CLASP2: variants seen among roughly 807,000 people sequenced by gnomAD.
CLASP2 encodes cytoplasmic linker associated protein 2, also known as CLIP-associating protein 2.
A neutral mutation model predicts 194.4 loss-of-function variants in CLASP2; 47 were observed. The observed-to-expected ratio is 0.24, with a 90% CI of 0.19 to 0.31. The LOEUF (loss-of-function observed/expected upper bound fraction) is 0.31. CLASP2 is among the 10% of genes least tolerant of loss of function. The pLI is 1.00. For missense variants in CLASP2, 1,445 were observed against 1,823.6 expected (o/e 0.79, Z 3.78); for synonymous variants, 619 against 633.5 (o/e 0.98, Z 0.34).
chr3:33,709,282 C>T (rs1022888400), intron 1 of CLASP2, among the ~76,000 whole-genome samples: 12 of 152,180 alleles, frequency 7.9e-5, no homozygotes, highest in Middle Eastern at 3.4e-3. Flanking sequence ...TTATTGTGTA[C>T]GGTGTAAAAT....
chr3:33,669,991 G>A (rs1476706120), intron 6 of CLASP2, among the ~76,000 whole-genome samples: 1 of 152,106 alleles, frequency 6.6e-6, no homozygotes, highest in Non-Finnish European at 1.5e-5. Context: ...GTTTGGATTT[G>A]TAGTCTATTC....
chr3:33,526,819 A>G (rs1339062431), intron 34 of CLASP2, among the ~76,000 whole-genome samples: 2 of 152,222 alleles, frequency 1.3e-5, no homozygotes, highest in Non-Finnish European at 2.9e-5. Context: ...AGTCAAGACT[A>G]TGAAAATTGC....
intron 6 of CLASP2, among the ~76,000 whole-genome samples, chr3:33,679,057 G>T (rs563354926): frequency 6.6e-6 from 1 of 152,084 alleles, no homozygotes; most frequent in Non-Finnish European, 1.5e-5. Flanking sequence ...ACAGACAAAT[G>T]GATCAATGGA....
At chr3:33,652,877 G>A (rs1030842295) in intron 7 of CLASP2, among the ~76,000 whole-genome samples, 1 of 152,092 alleles carries the variant, frequency 6.6e-6, no homozygotes, top group Non-Finnish European at 1.5e-5. Context: ...CACAGAGATC[G>A]TCTACCAACA....
At chr3:33,517,385 A>G (rs554791530) in intron 34 of CLASP2, among the ~76,000 whole-genome samples, 1 of 152,376 alleles carries the variant, frequency 6.6e-6, no homozygotes, top group South Asian at 2.1e-4. Flanking sequence ...AAAAATACAC[A>G]AAAGTGAGAC....
intron 7 of CLASP2, among the ~76,000 whole-genome samples, chr3:33,652,491 C>T (rs2083387310): frequency 6.6e-6 from 1 of 152,142 alleles, no homozygotes; most frequent in Admixed American, 6.5e-5. Context: ...CTCACAGGTC[C>T]CTCTAGCTAA....
chr3:33,680,016 T>C (rs1323095340), intron 6 of CLASP2, among the ~76,000 whole-genome samples: 2 of 152,220 alleles, frequency 1.3e-5, no homozygotes, highest in Non-Finnish European at 2.9e-5. Flanking sequence ...ACTGTGGTAC[T>C]TCCAGATAAT....
intron 30 of CLASP2, among the ~76,000 whole-genome samples, chr3:33,545,460 C>A (rs114756480): frequency 6.6e-6 from 1 of 152,024 alleles, no homozygotes; most frequent in Non-Finnish European, 1.5e-5. Context: ...TTTTCTGAAC[C>A]CACTCTATGA....
At chr3:33,524,049 T>C (rs922373342) in intron 34 of CLASP2, among the ~76,000 whole-genome samples, 3 of 152,104 alleles carry the variant, frequency 2.0e-5, no homozygotes, top group African/African-American at 7.2e-5. Flanking sequence ...CTATAAGGCA[T>C]ACAGAAAACA....
chr3:33,560,478 A>G (rs534172695), intron 28 of CLASP2, among the ~76,000 whole-genome samples: 4 of 152,198 alleles, frequency 2.6e-5, no homozygotes, highest in African/African-American at 9.6e-5. Context: ...CCTGACCTCA[A>G]GTGATCTGCC....
chr3:33,564,244 T>C (rs1045701922), intron 27 of CLASP2, among the ~76,000 whole-genome samples: 4 of 152,182 alleles, frequency 2.6e-5, no homozygotes, highest in Admixed American at 6.5e-5. Flanking sequence ...TGAAATCAAG[T>C]GAAATTTACC....
chr3:33,663,400 T>A (rs2085625987), intron 7 of CLASP2, 45 bp downstream of exon 7: 1 of 1,494,470 alleles, frequency 6.7e-7, no homozygotes, highest in African/African-American at 1.4e-5. Context: ...GCCTAAAACT[T>A]TGCTAAATAG....
Position 33,681,124 on chromosome 3 carries a change from C to CAA in CLASP2, c.644+3233_644+3234dup, listed in dbSNP as rs10710771. On this transcript the variant is annotated intron_variant, in intron 6 of 38. Transcript: ENST00000682230. ...TGGGTGACAGAGCGAGACTCCATCT[C>CAA]AAAAAAAAAAAAAAAAAGAATAAAG... is the stretch of plus-strand genomic sequence containing the variant. 4.3e-3 allele frequency among the ~76,000 whole-genome samples: 411 copies of CAA among 96,028 alleles called. 4 individuals carry two copies. The highest frequency in any genetic ancestry group is 6.7e-3 in the Non-Finnish European group (300 of 44,658). The allele number at this position is 96,028 out of a possible 152,430, so 63.0% of individuals were successfully genotyped here. A position where few individuals can be genotyped will look rare whatever the true frequency, so the allele number is the denominator to read the frequency against.
Position 33,559,300 on chromosome 3 carries a change from G to C in CLASP2, c.3009+7C>G, listed in dbSNP as rs1560024933. On this transcript the variant is annotated splice_region_variant and intron_variant, in intron 29 of 38. Coordinates refer to ENST00000682230, the MANE Select transcript of CLASP2 (RefSeq NM_001365631.1). The stretch of plus-strand genomic sequence containing the variant: ...TATAATGTCTTCAAAAGATCTCAAA[G>C]TTTTACCTTTAAGCTTGGTGTCTGG... 1 of 1,510,464 alleles carries C rather than the reference G, an allele frequency of 6.6e-7. No homozygotes were observed. Among genetic ancestry groups the C allele is most frequent in the East Asian group, 2.3e-5 (1 of 43,944 alleles). 93.6% of individuals were successfully genotyped at this position (1,510,464 alleles called of 1,614,324 possible). A position where few individuals can be genotyped will look rare whatever the true frequency, so the allele number is the denominator to read the frequency against.
At chr3:33,696,353 C>CTGTTTTTTTTT (rs2091902938) in intron 2 of CLASP2, among the ~76,000 whole-genome samples, 1 of 52,730 alleles carries the variant, frequency 1.9e-5, no homozygotes, top group Non-Finnish European at 3.3e-5. Context: ...TTCTTTCTTT[C>CTGTTTTTTTTT]TTTTTTTTTT....
intron 15 of CLASP2, 61 bp downstream of exon 15, chr3:33,607,320 TCTC>T (rs1267982979): frequency 9.1e-7 from 1 of 1,098,110 alleles, no homozygotes; most frequent in Admixed American, 3.0e-5. Context: ...ATATTTTCAT[TCTC>T]CTAATACATT....
At chr3:33,577,279 C>G in intron 23 of CLASP2, 1 of 1,593,700 alleles carries the variant, frequency 6.3e-7, no homozygotes, top group Non-Finnish European at 8.5e-7. Flanking sequence ...AATAACAGGA[C>G]CATACAAACC....
chr3:33,557,098 C>T (rs1444956530), intron 29 of CLASP2, among the ~76,000 whole-genome samples: 5 of 151,854 alleles, frequency 3.3e-5, no homozygotes, highest in Admixed American at 2.6e-4. Flanking sequence ...CTCAGCCTCC[C>T]GAGTAGCTGG....
Position 33,498,446 on chromosome 3 carries a change from A to G in CLASP2, c.*185T>C, listed in dbSNP as rs2046070315. 3 of 459,380 alleles carry G rather than the reference A, an allele frequency of 6.5e-6. No individual in the cohort carries two copies. The highest frequency in any genetic ancestry group is 1.2e-5 in the Non-Finnish European group (3 of 257,702). The allele number at this position is 459,380 out of a possible 1,614,324, so 28.5% of individuals were successfully genotyped here. On this transcript the variant is annotated 3_prime_UTR_variant, in exon 39 of 39. Transcript: ENST00000682230. The stretch of plus-strand genomic sequence containing the variant: ...TTCTTGAATTTGGAATAACTATCAT[A>G]AAAGTTACATGCAGACTGAGGATAG...
Sources: allele counts gnomAD v4.1 joint callset (sites outside exome capture counted in the v4.1 genomes callset), GRCh38; gene constraint gnomAD v4.1.1; transcripts MANE v1.5; gene names NCBI Gene and HGNC (gene_info 2026-07-23, HGNC 2026-07-21).